Variants in AGBL4 observed in about 807,000 individuals in gnomAD.
The protein encoded by AGBL4 is cytosolic carboxypeptidase 6.
In AGBL4, 58 loss-of-function variants were observed where a neutral mutation model predicts 66.4. The ratio of observed to expected loss-of-function variants is 0.87; its 90% CI spans 0.71 to 1.09. AGBL4 has a LOEUF of 1.09. AGBL4 is among the 50% of genes least tolerant of loss of function. The pLI, the probability that AGBL4 is intolerant of heterozygous loss-of-function variation, is 0.00. For missense variants in AGBL4, 579 were observed against 631.0 expected (o/e 0.92, Z 0.88); for synonymous variants, 234 against 222.9 (o/e 1.05, Z -0.44).
chr1:49,649,361 T>C (rs1645956001), intron 3 of AGBL4, among the ~76,000 whole-genome samples: 1 of 152,078 alleles, frequency 6.6e-6, no homozygotes, highest in East Asian at 1.9e-4. Context: ...GCAAGGAAAG[T>C]TATCAGGAAT....
At chr1:48,774,053 G>A (rs146978517) in intron 6 of AGBL4, among the ~76,000 whole-genome samples, 150 of 152,336 alleles carry the variant, frequency 9.8e-4, no homozygotes, top group Middle Eastern at 3.4e-3. Context: ...GCTCTGGGCT[G>A]GCTTGGGCCA....
chr1:49,986,239 C>T (rs1659495758), intron 1 of AGBL4, among the ~76,000 whole-genome samples: 1 of 152,046 alleles, frequency 6.6e-6, no homozygotes, highest in African/African-American at 2.4e-5. Flanking sequence ...GATCTTATGC[C>T]TCCCCAAAAG....
At chr1:49,285,111 T>A (rs1644373432) in intron 3 of AGBL4, among the ~76,000 whole-genome samples, 1 of 152,138 alleles carries the variant, frequency 6.6e-6, no homozygotes, top group South Asian at 2.1e-4. Context: ...ATTGACCACA[T>A]ATTTGGAAGT....
chr1:49,194,709 G>T (rs1329806534), intron 4 of AGBL4, among the ~76,000 whole-genome samples: 1 of 152,076 alleles, frequency 6.6e-6, no homozygotes, highest in Non-Finnish European at 1.5e-5. Context: ...AGACAGACTT[G>T]TATACTGAGG....
At chr1:49,434,118 T>G (rs777256533) in intron 3 of AGBL4, among the ~76,000 whole-genome samples, 9 of 152,188 alleles carry the variant, frequency 5.9e-5, no homozygotes, top group Non-Finnish European at 1.3e-4. Context: ...TGGGAGAAAC[T>G]TCCTTCTGAC....
At chr1:49,936,288 A>G (rs992485677) in intron 1 of AGBL4, among the ~76,000 whole-genome samples, 106 of 152,302 alleles carry the variant, frequency 7.0e-4, no homozygotes, top group Middle Eastern at 3.4e-3. Flanking sequence ...GTTTAGAGAA[A>G]AAAGAATAAA....
intron 5 of AGBL4, among the ~76,000 whole-genome samples, chr1:49,018,901 C>T (rs1187878494): frequency 1.3e-5 from 2 of 152,040 alleles, no homozygotes; most frequent in African/African-American, 2.4e-5. Flanking sequence ...ACCCAAATTA[C>T]TTAATATAAA....
intron 5 of AGBL4, among the ~76,000 whole-genome samples, chr1:48,875,289 C>T (rs949620517): frequency 1.3e-5 from 2 of 152,112 alleles, no homozygotes; most frequent in Non-Finnish European, 2.9e-5. Context: ...ATGCCATACC[C>T]GATCACCTCT....
At chr1:49,915,999 T>C (rs990346865) in intron 1 of AGBL4, among the ~76,000 whole-genome samples, 2 of 151,872 alleles carry the variant, frequency 1.3e-5, no homozygotes, top group African/African-American at 4.8e-5. Flanking sequence ...TCCAGCAAAC[T>C]CCAACAGACC....
chr1:49,144,008 T>C (rs2148103129), intron 4 of AGBL4, among the ~76,000 whole-genome samples: 1 of 152,320 alleles, frequency 6.6e-6, no homozygotes, highest in South Asian at 2.1e-4. Context: ...TATGCACATA[T>C]TTCAACAGAG....
chr1:49,677,745 G>A (rs1168746347), intron 3 of AGBL4, among the ~76,000 whole-genome samples: 2 of 152,098 alleles, frequency 1.3e-5, no homozygotes, highest in Non-Finnish European at 2.9e-5. Flanking sequence ...GAGGTGATTA[G>A]CTTTAGATGA....
At chr1:49,737,249 C>T (rs2124733365) in intron 2 of AGBL4, among the ~76,000 whole-genome samples, 1 of 152,232 alleles carries the variant, frequency 6.6e-6, no homozygotes, top group Non-Finnish European at 1.5e-5. Context: ...CTTGTTGCTG[C>T]ACTATTCAAA....
chr1:49,052,229 G>C (rs1442661463), intron 4 of AGBL4, among the ~76,000 whole-genome samples: 2 of 152,084 alleles, frequency 1.3e-5, no homozygotes, highest in East Asian at 1.9e-4. Flanking sequence ...AGCTGAGACT[G>C]ATTATTCCCC....
intron 11 of AGBL4, among the ~76,000 whole-genome samples, chr1:48,562,111 G>C (rs560355497): frequency 2.1e-4 from 32 of 152,210 alleles, no homozygotes; most frequent in South Asian, 2.1e-4. Flanking sequence ...GCAGACCTTG[G>C]GCTTGGCTTC....
At chr1:48,790,214 G>C (rs959677931) in intron 6 of AGBL4, among the ~76,000 whole-genome samples, 1 of 152,154 alleles carries the variant, frequency 6.6e-6, no homozygotes, top group Admixed American at 6.5e-5. Flanking sequence ...CTATTCATGT[G>C]TTTTTAACTT....
At chr1:49,487,212 A>G (rs577737689) in intron 3 of AGBL4, among the ~76,000 whole-genome samples, 34 of 152,134 alleles carry the variant, frequency 2.2e-4, no homozygotes, top group African/African-American at 8.2e-4. Context: ...AACCCTGAGA[A>G]GTTAAAAAAG....
intron 3 of AGBL4, among the ~76,000 whole-genome samples, chr1:49,565,946 T>C (rs1187135323): frequency 2.6e-5 from 4 of 152,204 alleles, no homozygotes; most frequent in Non-Finnish European, 5.9e-5. Context: ...ACCAATTAGA[T>C]GTAGATTTGG....
At chr1:49,390,098 A>G (rs540096306) in intron 3 of AGBL4, among the ~76,000 whole-genome samples, 1 of 152,208 alleles carries the variant, frequency 6.6e-6, no homozygotes, top group Admixed American at 6.5e-5. Context: ...GTGAGAAGAA[A>G]AAAAAATAAT....
chr1:49,006,347 T>C (rs1053130896), intron 5 of AGBL4, among the ~76,000 whole-genome samples: 27 of 152,252 alleles, frequency 1.8e-4, no homozygotes, highest in African/African-American at 6.5e-4. Flanking sequence ...ACCACGAGAT[T>C]ATATCCCACA....
Sources: gnomAD v4.1 joint callset for allele counts (sites outside exome capture counted in the v4.1 genomes callset) on GRCh38, gnomAD v4.1.1 for gene constraint, MANE v1.5 for transcripts, NCBI Gene and HGNC (gene_info 2026-07-23, HGNC 2026-07-21) for gene names.